ARNT2: variants seen among roughly 807,000 people sequenced by gnomAD.
The protein encoded by ARNT2 is aryl hydrocarbon receptor nuclear translocator 2.
Under a neutral mutation model 91.7 loss-of-function variants are expected in ARNT2, and 36 were observed. The ratio of observed to expected loss-of-function variants is 0.39; its 90% CI spans 0.30 to 0.52. The LOEUF (loss-of-function observed/expected upper bound fraction) is 0.52, where lower values mean the gene tolerates loss of function less well. Among genes scored for constraint, ARNT2 ranks in the 20% least tolerant of loss-of-function variants. ARNT2 has a pLI of 0.72. For synonymous variants in ARNT2, 365 were observed against 347.1 expected (o/e 1.05, Z -0.57); for missense variants, 775 against 939.3 (o/e 0.83, Z 2.29).
chr15:80,457,017 A>C (rs1361680101), intron 2 of ARNT2, among the ~76,000 whole-genome samples: 1 of 152,256 alleles, frequency 6.6e-6, no homozygotes, highest in East Asian at 1.9e-4. Context: ...GTGGATGTCC[A>C]GGAAAGCTCA....
At chr15:80,559,722 CTG>C (rs1482534665) in intron 11 of ARNT2, among the ~76,000 whole-genome samples, 2 of 152,174 alleles carry the variant, frequency 1.3e-5, no homozygotes, top group Non-Finnish European at 2.9e-5. Flanking sequence ...GAGCTGAACT[CTG>C]TGAAAGTGAA....
chr15:80,468,356 T>C (rs1896687435), intron 3 of ARNT2, among the ~76,000 whole-genome samples: 1 of 151,884 alleles, frequency 6.6e-6, no homozygotes, highest in Non-Finnish European at 1.5e-5. Context: ...ACGGCTCTTA[T>C]CAGCCTGCCA....
At chr15:80,489,823 G>A (rs754130650) in intron 5 of ARNT2, among the ~76,000 whole-genome samples, 2 of 152,174 alleles carry the variant, frequency 1.3e-5, no homozygotes, top group Non-Finnish European at 1.5e-5. Flanking sequence ...CATGGTGGGG[G>A]GTTAAGAGCA....
intron 1 of ARNT2, among the ~76,000 whole-genome samples, chr15:80,450,252 C>T (rs1896367945): frequency 1.3e-5 from 2 of 152,130 alleles, no homozygotes; most frequent in Non-Finnish European, 2.9e-5. Context: ...TGAAAAGGTC[C>T]AGCTCTGGAG....
intron 1 of ARNT2, among the ~76,000 whole-genome samples, chr15:80,420,199 A>G (rs1199861320): frequency 7.0e-6 from 1 of 143,206 alleles, no homozygotes; most frequent in Admixed American, 7.1e-5. Context: ...TTGACTATAC[A>G]GATGGTCCCC....
Position 80,591,511 on chromosome 15 carries a change from C to G in ARNT2, c.1919-57C>G. The G allele has an allele frequency of 6.2e-7, 1 of 1,603,892 alleles. No homozygotes were observed. The highest frequency in any genetic ancestry group is 8.5e-7 in the Non-Finnish European group (1 of 1,172,324). On this transcript the variant is annotated intron_variant, in intron 17 of 18. Coordinates refer to ENST00000303329, the MANE Select transcript of ARNT2 (RefSeq NM_014862.4). The surrounding 1 kb of genome is among the most constrained non-coding windows in gnomAD (Gnocchi z 5.1). ...CCTCCAGCCGCAGTGGTTCTTAGGT[C>G]TCACAGAACCACGGGATGGCTTTTA...
chr15:80,588,835 C>G (rs555287441), intron 17 of ARNT2, among the ~76,000 whole-genome samples: 1 of 152,330 alleles, frequency 6.6e-6, no homozygotes, highest in Admixed American at 6.5e-5. Flanking sequence ...TCTAGTTCCT[C>G]TGACTCTTAG....
chr15:80,447,650 G>A (rs1896325885), intron 1 of ARNT2, among the ~76,000 whole-genome samples: 1 of 152,198 alleles, frequency 6.6e-6, no homozygotes, highest in South Asian at 2.1e-4. Context: ...TGCCAGATTT[G>A]GGAAGCGGGT....
chr15:80,569,882 C>T (rs548731298), intron 12 of ARNT2, among the ~76,000 whole-genome samples: 6 of 152,366 alleles, frequency 3.9e-5, no homozygotes, highest in African/African-American at 9.6e-5. Flanking sequence ...TACACAACTG[C>T]GCACAGTGGT....
intron 8 of ARNT2, among the ~76,000 whole-genome samples, chr15:80,534,548 A>G (rs184749953): frequency 4.1e-4 from 62 of 152,330 alleles, no homozygotes; most frequent in African/African-American, 1.3e-3. Context: ...GTATTTAAAA[A>G]ATGGAGCTCA....
At chr15:80,437,618 T>A (rs1896109073) in intron 1 of ARNT2, among the ~76,000 whole-genome samples, 1 of 152,152 alleles carries the variant, frequency 6.6e-6, no homozygotes, top group Non-Finnish European at 1.5e-5. Flanking sequence ...TTTCCCCCTT[T>A]CATCACCTCT....
intron 1 of ARNT2, among the ~76,000 whole-genome samples, chr15:80,431,358 GA>G (rs1389725033): frequency 2.6e-5 from 4 of 152,124 alleles, no homozygotes; most frequent in African/African-American, 7.2e-5. Context: ...GGCCAGATCA[GA>G]TCCACCCCCT....
At chr15:80,502,363 G>T (rs1897210483) in intron 5 of ARNT2, among the ~76,000 whole-genome samples, 1 of 152,214 alleles carries the variant, frequency 6.6e-6, no homozygotes, top group African/African-American at 2.4e-5. Flanking sequence ...GGAGATGTTA[G>T]GTGGGCCTTC....
intron 1 of ARNT2, among the ~76,000 whole-genome samples, chr15:80,432,223 G>T (rs4238517): frequency 3.5e-4 from 54 of 152,174 alleles, no homozygotes; most frequent in African/African-American, 1.3e-3. Context: ...TCTGGGGCAC[G>T]GGGGGAACGG....
intron 5 of ARNT2, among the ~76,000 whole-genome samples, chr15:80,506,735 G>T (rs144086559): frequency 1.3e-5 from 2 of 152,160 alleles, no homozygotes; most frequent in African/African-American, 4.8e-5. Context: ...GTGGAAAGTC[G>T]CCAAGGGTCC....
At chr15:80,532,069 G>T (rs1008437362) in intron 8 of ARNT2, among the ~76,000 whole-genome samples, 7 of 152,198 alleles carry the variant, frequency 4.6e-5, no homozygotes. Context: ...TCAGCCCCAC[G>T]TGCCAGGCTA....
chr15:80,563,850 G>A (rs1261314335), intron 12 of ARNT2, among the ~76,000 whole-genome samples: 1 of 152,180 alleles, frequency 6.6e-6, no homozygotes, highest in Non-Finnish European at 1.5e-5. Context: ...GTGCGTCCTT[G>A]AACAAGTCAC....
At chr15:80,440,148 GA>G (rs1221510687) in intron 1 of ARNT2, among the ~76,000 whole-genome samples, 3 of 152,186 alleles carry the variant, frequency 2.0e-5, no homozygotes, top group African/African-American at 7.2e-5. Context: ...TTCCAACCTA[GA>G]TGTTCTGGGC....
intron 5 of ARNT2, among the ~76,000 whole-genome samples, chr15:80,491,601 C>T (rs1897056761): frequency 6.6e-6 from 1 of 152,056 alleles, no homozygotes; most frequent in African/African-American, 2.4e-5. Flanking sequence ...ACTGTTAGTG[C>T]AAGAAGCAGT....
Sources: gnomAD v4.1 joint callset for allele counts (sites outside exome capture counted in the v4.1 genomes callset) on GRCh38, gnomAD v4.1.1 for gene constraint, Gnocchi (gnomAD v3.1) non-coding constraint, MANE v1.5 for transcripts, NCBI Gene and HGNC (gene_info 2026-07-23, HGNC 2026-07-21) for gene names.